Variants in XPOT observed in about 807,000 individuals in gnomAD.
XPOT encodes the protein exportin-T.
A neutral mutation model predicts 128.2 loss-of-function variants in XPOT; 34 were observed. That is an observed-to-expected ratio of 0.27 (90% CI 0.20 to 0.35). The LOEUF (loss-of-function observed/expected upper bound fraction) is 0.35. Among genes scored for constraint, XPOT ranks in the 10% least tolerant of loss-of-function variants. The pLI is 1.00. For synonymous variants in XPOT, 348 were observed against 394.3 expected, an observed-to-expected ratio of 0.88 and a Z score of 1.39; for missense variants, 838 against 1,125.3, an observed-to-expected ratio of 0.74 and a Z score of 3.65.
At position 64,433,588 on chromosome 12, in the gene XPOT, G is replaced by C. The variant is rs1162575521; in HGVS notation, c.2437G>C (p.Val813Leu). The stretch of plus-strand genomic sequence containing the variant: ...AGTCACAGGCAGTGGGATGAGCGAA[G>C]TTATAGCAAATCAAGGTGGGAACAC... ...QTVTGSGMSE[V>L]IANQGAENVE... Residue 813 changes from valine to leucine, a missense_variant, in exon 19 of 25, where the codon GTT (valine) becomes CTT (leucine). By Grantham distance (32) the Val-to-Leu change is conservative. Around this residue, in one of 3 missense-constraint regions of XPOT, gnomAD observed 761 missense variants for 988.3 expected, o/e 0.77. Coordinates refer to ENST00000332707, the MANE Select transcript of XPOT (RefSeq NM_007235.6). 6.2e-7 allele frequency: 1 copy of C among 1,602,346 alleles called. No homozygotes were observed. Among genetic ancestry groups the C allele is most frequent in the Non-Finnish European group, 8.5e-7 (1 of 1,172,562 alleles).
At chr12:64,431,920 T>C in intron 18 of XPOT, 97 bp downstream of exon 18, 5 of 1,293,118 alleles carry the variant, frequency 3.9e-6, no homozygotes, top group Non-Finnish European at 5.3e-6. Context: ...TCTTTTTTTT[T>C]GCTTTTAATG....
At chr12:64,433,113 T>A (rs1009177980) in intron 18 of XPOT, among the ~76,000 whole-genome samples, 1 of 152,100 alleles carries the variant, frequency 6.6e-6, no homozygotes, top group Admixed American at 6.5e-5. Context: ...ACCCAGCTAA[T>A]TTTTGTATTT....
In XPOT at chr12:64,425,081, A is replaced by G. The variant is rs1248569925; in HGVS notation, c.1351A>G (p.Arg451Gly). The G allele has an allele frequency of 1.2e-6, 2 of 1,613,184 alleles. No individual in the cohort carries two copies. Among genetic ancestry groups the G allele is most frequent in the Non-Finnish European group, 1.7e-6 (2 of 1,179,830 alleles). Residue 451 changes from arginine to glycine, a missense_variant, in exon 13 of 25, where the codon AGA (arginine) becomes GGA (glycine). By Grantham distance (125) the Arg-to-Gly change is moderately radical. Around this residue, in one of 3 missense-constraint regions of XPOT, gnomAD observed 761 missense variants for 988.3 expected, o/e 0.77. Coordinates refer to ENST00000332707, the MANE Select transcript of XPOT (RefSeq NM_007235.6). ...TRFMEVEVAI[R>G]LLYMLAEALP... ...GTTTATGGAAGTTGAAGTAGCAATAAGATTGCTGTATATGTTGGCAGAAGC... is the reference window on the plus strand; with the variant it reads ...GTTTATGGAAGTTGAAGTAGCAATAGGATTGCTGTATATGTTGGCAGAAGC...
Position 64,425,926 on chromosome 12 carries a change from A to G in XPOT, c.1667+17A>G. ...ATCTCTCAAGTAAGTATAAAATTGC[A>G]GCTATTATGTTTAGTTATTTTTTAA... On this transcript the variant is annotated intron_variant, in intron 15 of 24. Coordinates refer to ENST00000332707, the MANE Select transcript of XPOT (RefSeq NM_007235.6). The G allele has an allele frequency of 6.2e-7, 1 of 1,602,246 alleles. No individual in the cohort carries two copies. The highest frequency in any genetic ancestry group is 8.6e-7 in the Non-Finnish European group (1 of 1,169,248).
At chr12:64,430,859 C>T (rs1439592120) in intron 17 of XPOT, among the ~76,000 whole-genome samples, 1 of 152,132 alleles carries the variant, frequency 6.6e-6, no homozygotes, top group Non-Finnish European at 1.5e-5. Context: ...TTGCAGGTTA[C>T]CTAGTACAGG....
intron 22 of XPOT, 129 bp from the exon 23 acceptor site, chr12:64,439,115 T>G: frequency 1.3e-6 from 1 of 780,086 alleles, no homozygotes; most frequent in South Asian, 1.7e-5. Flanking sequence ...CAAGGCAGTC[T>G]GGCTCTCGGG....
chr12:64,419,968 A>G, intron 6 of XPOT, 102 bp from the exon 7 acceptor site: 2 of 951,824 alleles, frequency 2.1e-6, no homozygotes, highest in Non-Finnish European at 3.0e-6. Flanking sequence ...CTGGTAGGGA[A>G]TGTGTTAACA....
At chr12:64,447,121 A>G (rs1187044945) in intron 24 of XPOT, among the ~76,000 whole-genome samples, 2 of 152,126 alleles carry the variant, frequency 1.3e-5, no homozygotes, top group African/African-American at 4.8e-5. Context: ...TGTGAGACCC[A>G]TTTACTATCA....
intron 1 of XPOT, among the ~76,000 whole-genome samples, chr12:64,408,683 G>GT (rs888949582): frequency 4.0e-5 from 6 of 151,350 alleles, no homozygotes; most frequent in South Asian, 2.1e-4. Context: ...TGTGTGTTTT[G>GT]TTTTTTTTGA....
chr12:64,429,052 A>C (rs1441040493), intron 16 of XPOT, among the ~76,000 whole-genome samples: 1 of 152,238 alleles, frequency 6.6e-6, no homozygotes, highest in Non-Finnish European at 1.5e-5. Context: ...ACTACAACAT[A>C]TGCAGTCACC....
At position 64,434,588 on chromosome 12, in the gene XPOT, G is replaced by A; in HGVS notation, c.2534G>A (p.Cys845Tyr). Residue 845 changes from cysteine to tyrosine, a missense_variant, in exon 20 of 25, where the codon TGT becomes TAT. Physicochemically the swap from Cys to Tyr is radical, Grantham distance 194. Coordinates refer to ENST00000332707, the MANE Select transcript of XPOT (RefSeq NM_007235.6). ...CCAGATCCAATTGCACAGAAAACAT[G>A]TTTTATCATCCTCTCAAAGTTGGTA... ...EYPDPIAQKT[C>Y]FIILSKLVEL... 6.2e-7 allele frequency: 1 copy of A among 1,613,982 alleles called. No individual in the cohort carries two copies. The highest frequency in any genetic ancestry group is 8.5e-7 in the Non-Finnish European group (1 of 1,179,898).
At chr12:64,447,962 A>G (rs1328578680) in intron 24 of XPOT, 143 bp from the exon 25 acceptor site, 3 of 723,024 alleles carry the variant, frequency 4.1e-6, no homozygotes, top group Admixed American at 2.3e-5. Flanking sequence ...CTTAGCTTGG[A>G]TTACATACGG....
intron 2 of XPOT, among the ~76,000 whole-genome samples, chr12:64,411,439 G>A (rs146196194): frequency 6.6e-6 from 1 of 152,164 alleles, no homozygotes; most frequent in Non-Finnish European, 1.5e-5. Flanking sequence ...CATTTTCTTT[G>A]CCTCTTAAGT....
intron 21 of XPOT, 128 bp downstream of exon 21, chr12:64,435,037 C>A: frequency 1.3e-6 from 1 of 757,028 alleles, no homozygotes; most frequent in Non-Finnish European, 2.1e-6. Flanking sequence ...GATCAGGGTT[C>A]TTTTTTTAAA....
intron 24 of XPOT, among the ~76,000 whole-genome samples, chr12:64,447,083 G>A (rs934009294): frequency 2.7e-4 from 41 of 152,140 alleles, no homozygotes; most frequent in Admixed American, 2.4e-3. Context: ...TGTGCAGGGA[G>A]ACTCCCATTT....
At chr12:64,405,051 A>C (rs1349829951) in intron 1 of XPOT, 4 of 152,216 alleles carry the variant, frequency 2.6e-5, no homozygotes, top group Admixed American at 2.6e-4. Flanking sequence ...TCATCACCCG[A>C]ATTGCCACGA....
At chr12:64,427,117 CTTTTT>C (rs869255660) in intron 15 of XPOT, among the ~76,000 whole-genome samples, 12 of 128,718 alleles carry the variant, frequency 9.3e-5, no homozygotes, top group Non-Finnish European at 1.7e-4. Context: ...TACTCCCGAC[CTTTTT>C]TTTTTTTTTT....
Position 64,424,707 on chromosome 12 carries a change from T to G in XPOT, c.1291T>G (p.Phe431Val), listed in dbSNP as rs769204898. The G allele has an allele frequency of 1.2e-6, 2 of 1,613,802 alleles. No homozygotes were observed. Among genetic ancestry groups the G allele is most frequent in the Admixed American group, 3.3e-5 (2 of 60,026 alleles). Residue 431 changes from phenylalanine (F) to valine (V), a missense_variant, in exon 12 of 25, where the codon TTT (phenylalanine) becomes GTT (valine). Phe to Val is a conservative substitution (Grantham distance 50). Around this residue, in one of 3 missense-constraint regions of XPOT, gnomAD observed 761 missense variants for 988.3 expected, o/e 0.77. Coordinates refer to ENST00000332707, the MANE Select transcript of XPOT (RefSeq NM_007235.6). ...ACTACTGGCCTCTGTTCGCAGAGTT[T>G]TTAGTTCTACACTGCAGTAAGTTTG... Reference protein sequence around the residue: ...ELLLASVRRVFSSTLQNWQTT... With the variant: ...ELLLASVRRVVSSTLQNWQTT...
In XPOT at chr12:64,451,114, G is replaced by T. The variant is rs761466940; in HGVS notation, c.*2983G>T. On this transcript the variant is annotated 3_prime_UTR_variant, in exon 25 of 25. Coordinates refer to ENST00000332707, the MANE Select transcript of XPOT (RefSeq NM_007235.6). ...GTTTAAAATGCTAATAAAGTAACTT[G>T]CTTTGTAAGAATTCATTAGAGTGGA... 2 of 152,184 alleles carry T rather than the reference G, an allele frequency of 1.3e-5. No homozygotes were observed. The highest frequency in any genetic ancestry group is 6.5e-5 in the Admixed American group (1 of 15,286). 9.4% of individuals were successfully genotyped at this position (152,184 alleles called of 1,614,324 possible).
Sources: gnomAD v4.1 joint callset for allele counts (sites outside exome capture counted in the v4.1 genomes callset) on GRCh38, gnomAD v4.1.1 for gene constraint, gnomAD v4.1.1 regional missense constraint, MANE v1.5 for transcripts, NCBI Gene and HGNC (gene_info 2026-07-23, HGNC 2026-07-21) for gene names.